The following LAMTOR4 variants were observed in gnomAD, a reference collection of about 807,000 sequenced individuals.
LAMTOR4 encodes late endosomal/lysosomal adaptor, MAPK and MTOR activator 4.
LAMTOR4 carries 11 observed loss-of-function variants against 13.5 expected under a neutral mutation model. That is an observed-to-expected ratio of 0.82 (90% CI 0.51 to 1.35). The LOEUF (loss-of-function observed/expected upper bound fraction) is 1.35, where lower values mean the gene tolerates loss of function less well. LAMTOR4 is among the 40% of genes most tolerant of loss of function. LAMTOR4 has a pLI of 0.00. For synonymous variants in LAMTOR4, 69 were observed against 52.3 expected, an observed-to-expected ratio of 1.32 and a Z score of -1.38; for missense variants, 128 against 126.2, an observed-to-expected ratio of 1.01 and a Z score of -0.07.
intron 2 of LAMTOR4, among the ~76,000 whole-genome samples, chr7:100,151,070 GT>G (rs1008129862): frequency 6.7e-6 from 1 of 149,400 alleles, no homozygotes; most frequent in African/African-American, 2.5e-5. Flanking sequence ...TTTTGTTTTT[GT>G]TTTTTTTTGT....
chr7:100,149,095 G>T, intron 1 of LAMTOR4, 120 bp downstream of exon 1: 1 of 1,300,948 alleles, frequency 7.7e-7, no homozygotes, highest in Non-Finnish European at 1.1e-6. Context: ...CGCTCGGGGA[G>T]GAAGAGGGGA....
At chr7:100,149,611 G>A (rs1798639015) in intron 2 of LAMTOR4, 32 bp downstream of exon 2, 1 of 1,516,190 alleles carries the variant, frequency 6.6e-7, no homozygotes, top group South Asian at 1.1e-5. Context: ...GGGTCCCTTA[G>A]TGCACACAGC....
chr7:100,153,612 T>G, intron 3 of LAMTOR4, 95 bp downstream of exon 3: 1 of 1,111,830 alleles, frequency 9.0e-7, no homozygotes. Flanking sequence ...TCCTACCATC[T>G]CCTGGGGTCT....
chr7:100,149,655 C>A (rs1356951508), intron 2 of LAMTOR4, 76 bp downstream of exon 2: 2 of 1,138,288 alleles, frequency 1.8e-6, no homozygotes, highest in East Asian at 2.4e-5. Flanking sequence ...CCCTTCTTTT[C>A]TCGGCTTTTA....
chr7:100,149,815 G>GCCCA, intron 2 of LAMTOR4: 1 of 403,152 alleles, frequency 2.5e-6, no homozygotes, highest in Non-Finnish European at 4.7e-6. Context: ...CGTTCTTGTT[G>GCCCA]CCCAAGCTGG....
At position 100,153,866 on chromosome 7, in the gene LAMTOR4, G is replaced by C; in HGVS notation, c.203-1G>C. On this transcript the variant is annotated splice_acceptor_variant, in intron 3 of 3. Coordinates refer to ENST00000341942, the MANE Select transcript of LAMTOR4 (RefSeq NM_001008395.4). LOFTEE classifies it high-confidence loss of function. ...CGGGGGAAGGTGTGTCTCTCCTCCAGTGGTCTTTGGAGAACACACACTGCT... is the reference window on the plus strand; with the variant it reads ...CGGGGGAAGGTGTGTCTCTCCTCCACTGGTCTTTGGAGAACACACACTGCT... 1 of 1,568,948 alleles carries C rather than the reference G, an allele frequency of 6.4e-7. No individual in the cohort carries two copies. Among genetic ancestry groups the C allele is most frequent in the Non-Finnish European group, 8.7e-7 (1 of 1,155,282 alleles).
In LAMTOR4 at chr7:100,153,853, T is replaced by G. The variant is rs772720686; in HGVS notation, c.203-14T>G. 2 of 1,547,186 alleles carry G rather than the reference T, an allele frequency of 1.3e-6. No individual in the cohort carries two copies. Among genetic ancestry groups the G allele is most frequent in the South Asian group, 1.2e-5 (1 of 84,624 alleles). ...CCCTCTCCTGGGGCGGGGGAAGGTG[T>G]GTCTCTCCTCCAGTGGTCTTTGGAG... is the stretch of plus-strand genomic sequence containing the variant. On this transcript the variant is annotated splice_polypyrimidine_tract_variant and intron_variant, in intron 3 of 3. Transcript: ENST00000341942.
chr7:100,149,531 C>T lies in LAMTOR4; in HGVS notation c.36C>T (p.Ile12=), dbSNP rs1196080466. 3 of 1,613,962 alleles carry T rather than the reference C, an allele frequency of 1.9e-6. No homozygotes were observed. The highest frequency in any genetic ancestry group is 2.5e-6 in the Non-Finnish European group (3 of 1,179,912). The change falls in exon 2 of 4, where the codon ATC becomes ATT. Residue 12 remains isoleucine (I), a synonymous_variant. Transcript: ENST00000341942. The stretch of plus-strand genomic sequence containing the variant: ...CGCTGACCCAGGGGCTGGAGCGAAT[C>T]CCAGACCAGCTCGGCTACCTGGTAC... ...TSALTQGLER[I]PDQLGYLVLS... is the part of the protein sequence containing the mutation.
In LAMTOR4 at chr7:100,153,985, C is replaced by A; in HGVS notation, c.*21C>A. 1.3e-6 allele frequency: 2 copies of A among 1,549,684 alleles called. No homozygotes were observed. The highest frequency in any genetic ancestry group is 2.4e-5 in the South Asian group (2 of 84,454). ...TCTGAGCCTGCCGGAGGGCGAGGGT[C>A]GGAGAAGCGGATTGGGTCCTGGGCC... On this transcript the variant is annotated 3_prime_UTR_variant, in exon 4 of 4. Transcript: ENST00000341942.
intron 2 of LAMTOR4, among the ~76,000 whole-genome samples, chr7:100,151,059 GTTTTGTTTTTGTTTTT>G (rs1477772301): frequency 3.3e-5 from 5 of 151,808 alleles, no homozygotes; most frequent in African/African-American, 9.6e-5. Flanking sequence ...GGAGAGAAGA[GTTTTGTTTTTGTTTTT>G]TTTTGTTTTT....
At chr7:100,149,869 G>T in intron 2 of LAMTOR4, 1 of 240,958 alleles carries the variant, frequency 4.2e-6, no homozygotes, top group Non-Finnish European at 8.4e-6. Flanking sequence ...TCCGCCTCCG[G>T]GGTTCAAGCG....
chr7:100,151,538 G>A (rs374375229), intron 2 of LAMTOR4, among the ~76,000 whole-genome samples: 40 of 151,084 alleles, frequency 2.6e-4, no homozygotes, highest in Middle Eastern at 6.9e-3. Flanking sequence ...ACAGGCGCCC[G>A]CCACCATGCC....
At chr7:100,151,262 A>G (rs1798690323) in intron 2 of LAMTOR4, among the ~76,000 whole-genome samples, 1 of 151,568 alleles carries the variant, frequency 6.6e-6, no homozygotes. Context: ...TTTAGTAGAG[A>G]GAGGGTTTCA....
At chr7:100,149,380 C>A (rs980248730) in intron 1 of LAMTOR4, 119 bp from the exon 2 acceptor site, 1 of 747,266 alleles carries the variant, frequency 1.3e-6, no homozygotes. Context: ...AGGGACCTGG[C>A]TGGGGAATGA....
Position 100,153,481 on chromosome 7 carries a change from C to T in LAMTOR4, c.166C>T (p.His56Tyr), listed in dbSNP as rs781688722. ...CAGCACAGCCTGCGGTTTCCGGCTG[C>T]ACCGCGGCATGAATGTGCCCTTCAA... ...LVSTACGFRLHRGMNVPFKRL... is the reference protein window; with the variant it reads ...LVSTACGFRLYRGMNVPFKRL... The change falls in exon 3 of 4, where the codon CAC becomes TAC. Residue 56 changes from histidine to tyrosine, a missense_variant. His to Tyr is a moderately conservative substitution (Grantham distance 83). Coordinates refer to ENST00000341942, the MANE Select transcript of LAMTOR4 (RefSeq NM_001008395.4). The T allele has an allele frequency of 1.0e-4, 161 of 1,609,198 alleles. No homozygotes were observed. The highest frequency in any genetic ancestry group is 1.3e-4 in the Non-Finnish European group (157 of 1,179,998).
chr7:100,153,681 G>C (rs1167344519), intron 3 of LAMTOR4, 164 bp downstream of exon 3: 1 of 764,320 alleles, frequency 1.3e-6, no homozygotes, highest in Middle Eastern at 2.2e-4. Flanking sequence ...TGAATGAGAA[G>C]GCAAGAGAAA....
chr7:100,153,571 C>G lies in LAMTOR4; in HGVS notation c.202+54C>G, dbSNP rs935113932. 6 of 1,464,052 alleles carry G rather than the reference C, an allele frequency of 4.1e-6. No homozygotes were observed. The African/African-American group carries it at 8.3e-5, about 20-fold the overall frequency. 90.7% of individuals were successfully genotyped at this position (1,464,052 alleles called of 1,614,324 possible). A position where few individuals can be genotyped will look rare whatever the true frequency, so the allele number is the denominator to read the frequency against. On this transcript the variant is annotated intron_variant, in intron 3 of 3. Transcript: ENST00000341942. ...GGTACTGGGAGCGGGGGGCTACTTC[C>G]AGGGGCTTCTCGGCTTCTCTTCTTC...
intron 1 of LAMTOR4, 188 bp from the exon 2 acceptor site, chr7:100,149,311 G>T: frequency 1.6e-6 from 1 of 635,576 alleles, no homozygotes; most frequent in Non-Finnish European, 2.8e-6. Context: ...GAGAGTGGGG[G>T]CAGATGGAGG....
At chr7:100,151,734 C>T (rs1399001451) in intron 2 of LAMTOR4, among the ~76,000 whole-genome samples, 1 of 151,448 alleles carries the variant, frequency 6.6e-6, no homozygotes, top group African/African-American at 2.4e-5. Context: ...GTCTCGCCGT[C>T]ACTCAGGCTG....
Sources: gnomAD v4.1 joint callset for allele counts (sites outside exome capture counted in the v4.1 genomes callset) on GRCh38, gnomAD v4.1.1 for gene constraint, MANE v1.5 for transcripts, NCBI Gene and HGNC (gene_info 2026-07-23, HGNC 2026-07-21) for gene names.